Variants in SLC30A4 observed in about 807,000 individuals in gnomAD.
SLC30A4 encodes the protein probable proton-coupled zinc antiporter SLC30A4.
A neutral mutation model predicts 41.7 loss-of-function variants in SLC30A4; 20 were observed. That is an observed-to-expected ratio of 0.48 (90% CI 0.34 to 0.70). SLC30A4 has a LOEUF of 0.70. Among genes scored for constraint, SLC30A4 ranks in the 30% least tolerant of loss-of-function variants. The pLI, the probability that SLC30A4 is intolerant of heterozygous loss-of-function variation, is 0.01. For synonymous variants in SLC30A4, 181 were observed against 195.9 expected, an observed-to-expected ratio of 0.92 and a Z score of 0.64; for missense variants, 441 against 529.3, an observed-to-expected ratio of 0.83 and a Z score of 1.64.
chr15:45,485,364 C>A (rs748756145), intron 7 of SLC30A4, 47 bp from the exon 8 acceptor site: 1 of 1,355,660 alleles, frequency 7.4e-7, no homozygotes, highest in African/African-American at 1.5e-5. Flanking sequence ...ACAGTTACAT[C>A]TTGAATAAGA....
chr15:45,491,430 A>G (rs533728257), intron 3 of SLC30A4, among the ~76,000 whole-genome samples: 3 of 152,352 alleles, frequency 2.0e-5, no homozygotes, highest in Non-Finnish European at 1.5e-5. Flanking sequence ...AGTACACTCA[A>G]AAGTCAGTAA....
chr15:45,514,671 C>G (rs566695795), intron 2 of SLC30A4, among the ~76,000 whole-genome samples: 3 of 151,748 alleles, frequency 2.0e-5, no homozygotes, highest in African/African-American at 4.8e-5. Flanking sequence ...TGCGCCACCA[C>G]GCCCGGCTAA....
intron 3 of SLC30A4, among the ~76,000 whole-genome samples, chr15:45,510,126 C>T (rs1892251179): frequency 6.6e-6 from 1 of 151,108 alleles, no homozygotes; most frequent in Admixed American, 6.6e-5. Flanking sequence ...TGCACTCCAG[C>T]CTGGGCAACA....
intron 3 of SLC30A4, among the ~76,000 whole-genome samples, chr15:45,505,283 T>G (rs1324808327): frequency 7.3e-6 from 1 of 137,258 alleles, no homozygotes. Flanking sequence ...AAGGCTACAA[T>G]CAATAGTCCA....
chr15:45,511,100 T>C (rs368442952), intron 3 of SLC30A4, 38 bp downstream of exon 3: 4 of 1,545,702 alleles, frequency 2.6e-6, no homozygotes, highest in East Asian at 4.5e-5. Flanking sequence ...GGTTTTACTA[T>C]AAAATATTAT....
chr15:45,507,742 C>A (rs1236797809), intron 3 of SLC30A4, among the ~76,000 whole-genome samples: 1 of 152,174 alleles, frequency 6.6e-6, no homozygotes, highest in African/African-American at 2.4e-5. Context: ...CCCACCTTGG[C>A]CTCCCAAAGT....
intron 3 of SLC30A4, among the ~76,000 whole-genome samples, chr15:45,491,546 G>A (rs1329969227): frequency 6.6e-6 from 1 of 152,194 alleles, no homozygotes; most frequent in African/African-American, 2.4e-5. Flanking sequence ...AGGCAACATA[G>A]TGAGACTCCG....
intron 3 of SLC30A4, among the ~76,000 whole-genome samples, chr15:45,505,352 A>T (rs553053137): frequency 2.0e-4 from 30 of 152,310 alleles, no homozygotes; most frequent in African/African-American, 7.0e-4. Flanking sequence ...AAGCAGAAAC[A>T]CATCCATATA....
intron 3 of SLC30A4, among the ~76,000 whole-genome samples, chr15:45,507,275 G>A (rs560857760): frequency 3.0e-4 from 46 of 151,108 alleles, no homozygotes; most frequent in African/African-American, 9.5e-4. Context: ...AGCCGAGACC[G>A]CGCCATTGCA....
chr15:45,506,770 A>ATACC lies in SLC30A4; in HGVS notation c.538+4364_538+4367dup, dbSNP rs577484831. ...CTTGAGTACCTTCTTAGCTCAGGAA[A>ATACC]TACCTATCTATCTATATCTTTAACA... is the stretch of plus-strand genomic sequence containing the variant. On this transcript the variant is annotated intron_variant, in intron 3 of 7. Coordinates refer to ENST00000261867, the MANE Select transcript of SLC30A4 (RefSeq NM_013309.6). Among the ~76,000 whole-genome samples the ATACC allele has an allele frequency of 1.6e-4, 24 of 152,354 alleles. No individual in the cohort carries two copies. In the East Asian group the frequency reaches 1.9e-3, roughly 12 times the overall value.
At chr15:45,520,454 T>C (rs1362108365) in intron 2 of SLC30A4, among the ~76,000 whole-genome samples, 2 of 152,028 alleles carry the variant, frequency 1.3e-5, no homozygotes, top group African/African-American at 4.8e-5. Context: ...ATTTTGTTTT[T>C]AGTAGAGACA....
chr15:45,517,455 G>A (rs1304736628), intron 2 of SLC30A4, among the ~76,000 whole-genome samples: 1 of 146,048 alleles, frequency 6.8e-6, no homozygotes, highest in Non-Finnish European at 1.5e-5. Context: ...CTAGGTTCAA[G>A]TGATTCTTTT....
In SLC30A4 at chr15:45,482,586, AAT is replaced by A. The variant is rs879819576; in HGVS notation, c.*2575_*2576del. ...ATAAAAAAATGATTAGAGTATGATGAATATTTTTTTCCTTTCTACTTGCTAGA... is the reference window on the plus strand; with the variant it reads ...ATAAAAAAATGATTAGAGTATGATGAATTTTTTTCCTTTCTACTTGCTAGA... On this transcript the variant is annotated 3_prime_UTR_variant, in exon 8 of 8. Coordinates refer to ENST00000261867, the MANE Select transcript of SLC30A4 (RefSeq NM_013309.6). 6.6e-6 allele frequency: 1 copy of A among 152,160 alleles called. No individual in the cohort carries two copies. Among genetic ancestry groups the A allele is most frequent in the African/African-American group, 2.4e-5 (1 of 41,432 alleles). 9.4% of individuals were successfully genotyped at this position (152,160 alleles called of 1,614,324 possible).
At chr15:45,515,319 C>T (rs1422173849) in intron 2 of SLC30A4, among the ~76,000 whole-genome samples, 1 of 152,202 alleles carries the variant, frequency 6.6e-6, no homozygotes, top group African/African-American at 2.4e-5. Flanking sequence ...TGAGCCACTG[C>T]ACCCAGCCCT....
At chr15:45,486,443 T>A (rs1891707823) in intron 7 of SLC30A4, among the ~76,000 whole-genome samples, 168 bp downstream of exon 7, 1 of 152,232 alleles carries the variant, frequency 6.6e-6, no homozygotes, top group African/African-American at 2.4e-5. Flanking sequence ...AAGAGCCTTT[T>A]GTTTAAGGCT....
At chr15:45,507,293 C>G (rs1892179864) in intron 3 of SLC30A4, among the ~76,000 whole-genome samples, 1 of 149,506 alleles carries the variant, frequency 6.7e-6, no homozygotes, top group Non-Finnish European at 1.5e-5. Context: ...GCACTCCAGC[C>G]TGGGTGACAC....
rs1459304596 is a variant in SLC30A4 at position 45,522,122 on chromosome 15, T to C, written c.233A>G (p.Asp78Gly). Reference sequence around the variant, plus strand: ...ACTGTTGGTCAAAGGTAAGTCTTGGTCCAGTAAGGAATCATCGTCGGCCTG... The same window carrying C: ...ACTGTTGGTCAAAGGTAAGTCTTGGCCCAGTAAGGAATCATCGTCGGCCTG... ...TLQADDDSLL[D>G]QDLPLTNSQL... Residue 78 changes from aspartate to glycine, a missense_variant, in exon 2 of 8, where the codon GAC becomes GGC. Asp to Gly is a moderately conservative substitution (Grantham distance 94). Coordinates refer to ENST00000261867, the MANE Select transcript of SLC30A4 (RefSeq NM_013309.6). 4.3e-6 allele frequency: 7 copies of C among 1,614,094 alleles called. No individual in the cohort carries two copies. The East Asian group carries it at 1.6e-4, about 36-fold the overall frequency.
chr15:45,486,985 T>C (rs1891716027), intron 6 of SLC30A4, among the ~76,000 whole-genome samples: 1 of 149,688 alleles, frequency 6.7e-6, no homozygotes, highest in South Asian at 2.1e-4. Flanking sequence ...TAAAAAGGAA[T>C]GCCAATCAAA....
chr15:45,519,966 T>C (rs1892612686), intron 2 of SLC30A4, among the ~76,000 whole-genome samples: 1 of 152,230 alleles, frequency 6.6e-6, no homozygotes. Context: ...TCCTGTCTTT[T>C]AATTTCTTTA....
Sources: allele counts gnomAD v4.1 joint callset (sites outside exome capture counted in the v4.1 genomes callset), GRCh38; gene constraint gnomAD v4.1.1; transcripts MANE v1.5; gene names NCBI Gene and HGNC (gene_info 2026-07-23, HGNC 2026-07-21).